Variants in ZNF492 observed in about 807,000 individuals in gnomAD.
ZNF492 encodes the protein zinc finger protein 115 (Y20).
In ZNF492, 3 loss-of-function variants were observed where a neutral mutation model predicts 6.4. The ratio of observed to expected loss-of-function variants is 0.47; its 90% CI spans 0.21 to 1.22. The LOEUF is 1.22. ZNF492 is among the 50% of genes most tolerant of loss of function. The probability of loss-of-function intolerance (pLI) is 0.22; values close to 1 mark genes in which losing one functional copy is unlikely to be tolerated. For missense variants in ZNF492, 356 were observed against 612.5 expected, an observed-to-expected ratio of 0.58 and a Z score of 4.42; for synonymous variants, 112 against 205.3, an observed-to-expected ratio of 0.55 and a Z score of 3.89.
rs144734880 is a variant in ZNF492 at position 22,635,279 on chromosome 19, A to G, written c.-94+805A>G. ...TGATTTTCCCTGGCATTTTTCACAT[A>G]GGTCCCAAGCAGGTTCTCAAGTCAA... On this transcript the variant is annotated intron_variant, in intron 1 of 3. Transcript: ENST00000456783. 1.4e-4 allele frequency among the ~76,000 whole-genome samples: 22 copies of G among 152,286 alleles called. No individual in the cohort carries two copies. In the East Asian group the frequency reaches 3.3e-3, roughly 23 times the overall value.
chr19:22,662,776 G>A (rs536031528), intron 3 of ZNF492, among the ~76,000 whole-genome samples: 3 of 151,006 alleles, frequency 2.0e-5, no homozygotes, highest in Non-Finnish European at 4.4e-5. Context: ...CTTTTTGATG[G>A]GGTTGTTAGT....
intron 1 of ZNF492, among the ~76,000 whole-genome samples, chr19:22,650,728 TGG>T (rs1971931267): frequency 1.3e-5 from 2 of 152,086 alleles, no homozygotes; most frequent in African/African-American, 2.4e-5. Flanking sequence ...TGTTAGGCTG[TGG>T]GGGACACCTC....
In ZNF492 at chr19:22,667,603, T is replaced by C. The variant is rs1042078041; in HGVS notation, c.*2338T>C. On this transcript the variant is annotated 3_prime_UTR_variant, in exon 4 of 4. Transcript: ENST00000456783. Reference sequence around the variant, plus strand: ...ATTGACTACAGGGTTATTTTTATAATAAAAATTATATACAAGTATAAAATT... The same window carrying C: ...ATTGACTACAGGGTTATTTTTATAACAAAAATTATATACAAGTATAAAATT... The C allele has an allele frequency of 1.3e-5, 2 of 151,970 alleles. No individual in the cohort carries two copies. The highest frequency in any genetic ancestry group is 2.9e-5 in the Non-Finnish European group (2 of 67,974). The allele number at this position is 151,970 out of a possible 1,614,324, so 9.4% of individuals were successfully genotyped here.
In ZNF492 at chr19:22,666,228, C is replaced by T. The variant is rs988115341; in HGVS notation, c.*963C>T. ...TTTAGATGGAGTCTTGCTCTATCGC[C>T]CCCCCAGGCTGGAGTACAGTGGCAC... On this transcript the variant is annotated 3_prime_UTR_variant, in exon 4 of 4. Transcript: ENST00000456783. 6 of 149,222 alleles carry T rather than the reference C, an allele frequency of 4.0e-5. No individual in the cohort carries two copies. The highest frequency in any genetic ancestry group is 8.9e-5 in the Non-Finnish European group (6 of 67,546). The allele number at this position is 149,222 out of a possible 1,614,324, so 9.2% of individuals were successfully genotyped here.
At chr19:22,651,728 A>G (rs2361245) in intron 1 of ZNF492, among the ~76,000 whole-genome samples, 29,126 of 151,918 alleles carry the variant, frequency 0.19, 3,671 homozygotes, top group African/African-American at 0.36. Context: ...GGGGTCCTTA[A>G]TAAAGATGGA....
Position 22,634,408 on chromosome 19 carries a change from C to A in ZNF492, c.-160C>A, listed in dbSNP as rs1172470266. Reference sequence around the variant, plus strand: ...GTCCTAGAGGCCCATCCTCTGTGGCCCTGTGACCTGCAGGTATTGGGAGAT... The same window carrying A: ...GTCCTAGAGGCCCATCCTCTGTGGCACTGTGACCTGCAGGTATTGGGAGAT... On this transcript the variant is annotated 5_prime_UTR_variant, in exon 1 of 4. Transcript: ENST00000456783. The A allele has an allele frequency of 7.5e-7, 1 of 1,339,178 alleles. No homozygotes were observed. The highest frequency in any genetic ancestry group is 1.1e-6 in the Non-Finnish European group (1 of 947,776). 83.0% of individuals were successfully genotyped at this position (1,339,178 alleles called of 1,614,324 possible).
intron 1 of ZNF492, among the ~76,000 whole-genome samples, chr19:22,647,302 G>A (rs929098881): frequency 4.2e-5 from 6 of 144,504 alleles, no homozygotes; most frequent in African/African-American, 1.6e-4. Flanking sequence ...TGTTGCCCAG[G>A]CTGGAGTGTA....
chr19:22,650,244 G>A (rs1173892566), intron 1 of ZNF492, among the ~76,000 whole-genome samples: 1 of 152,102 alleles, frequency 6.6e-6, no homozygotes, highest in East Asian at 1.9e-4. Context: ...TTCTGAACCT[G>A]GAGATATTAA....
intron 1 of ZNF492, among the ~76,000 whole-genome samples, chr19:22,647,633 T>TATC (rs1971895299): frequency 6.6e-6 from 1 of 151,448 alleles, no homozygotes; most frequent in Non-Finnish European, 1.5e-5. Context: ...TTTTCATGTC[T>TATC]ATCTCCTTCA....
chr19:22,646,805 G>C (rs1410249282), intron 1 of ZNF492, among the ~76,000 whole-genome samples: 1 of 151,056 alleles, frequency 6.6e-6, no homozygotes, highest in Non-Finnish European at 1.5e-5. Flanking sequence ...TTCTGTTTAT[G>C]TCATGAATTA....
chr19:22,643,956 G>T (rs896209686), intron 1 of ZNF492, among the ~76,000 whole-genome samples: 2 of 152,156 alleles, frequency 1.3e-5, no homozygotes, highest in African/African-American at 2.4e-5. Context: ...ATTGCTGGCA[G>T]GGGAGGGCAC....
chr19:22,644,673 G>T (rs1342981122), intron 1 of ZNF492, among the ~76,000 whole-genome samples: 2 of 152,094 alleles, frequency 1.3e-5, no homozygotes, highest in Non-Finnish European at 2.9e-5. Context: ...GTTGTAAATA[G>T]TGCTGCAGTA....
At chr19:22,640,530 GA>G (rs1971816109) in intron 1 of ZNF492, among the ~76,000 whole-genome samples, 1 of 152,148 alleles carries the variant, frequency 6.6e-6, no homozygotes, top group Admixed American at 6.5e-5. Flanking sequence ...TTAGGTTTTT[GA>G]TGTCCTGCTC....
Position 22,652,221 on chromosome 19 carries a change from CT to C in ZNF492, c.-93-1069del, listed in dbSNP as rs59051481. Among the ~76,000 whole-genome samples, 162 of 105,454 alleles carry C rather than the reference CT, an allele frequency of 1.5e-3. 9 individuals are homozygous for C. The highest frequency in any genetic ancestry group is 4.3e-3 in the Middle Eastern group (1 of 230). The allele number at this position is 105,454 out of a possible 152,430, so 69.2% of individuals were successfully genotyped here. A position where few individuals can be genotyped will look rare whatever the true frequency, so the allele number is the denominator to read the frequency against. ...AATCTGGCAGCTGACCTTTCTTAGGCTTTTTTTTTTTTTTTTTGAGACGGAG... is the reference window on the plus strand; with the variant it reads ...AATCTGGCAGCTGACCTTTCTTAGGCTTTTTTTTTTTTTTTTGAGACGGAG... On this transcript the variant is annotated intron_variant, in intron 1 of 3. Coordinates refer to ENST00000456783, the MANE Select transcript of ZNF492 (RefSeq NM_020855.3).
At chr19:22,636,767 G>A (rs1971770334) in intron 1 of ZNF492, among the ~76,000 whole-genome samples, 1 of 150,494 alleles carries the variant, frequency 6.6e-6, no homozygotes, top group South Asian at 2.1e-4. Flanking sequence ...CCAAGTAGCT[G>A]GGATTACAGG....
At chr19:22,645,706 A>G (rs1293749604) in intron 1 of ZNF492, among the ~76,000 whole-genome samples, 1 of 152,174 alleles carries the variant, frequency 6.6e-6, no homozygotes, top group African/African-American at 2.4e-5. Flanking sequence ...TATAAGGTGT[A>G]AGGAAGAGGT....
intron 3 of ZNF492, among the ~76,000 whole-genome samples, chr19:22,659,923 C>G (rs981328457): frequency 2.6e-5 from 4 of 152,114 alleles, no homozygotes; most frequent in African/African-American, 9.7e-5. Context: ...GCCTCAACCT[C>G]CCAAAGTGCT....
intron 1 of ZNF492, among the ~76,000 whole-genome samples, chr19:22,639,415 G>A (rs1157787894): frequency 6.6e-6 from 1 of 151,724 alleles, no homozygotes; most frequent in Non-Finnish European, 1.5e-5. Flanking sequence ...TTGTCAGTTT[G>A]AAAAGCTTTC....
chr19:22,640,454 G>A (rs533215749), intron 1 of ZNF492, among the ~76,000 whole-genome samples: 4 of 152,262 alleles, frequency 2.6e-5, no homozygotes, highest in South Asian at 4.1e-4. Context: ...GAGCCACCAC[G>A]CCCCACCTCA....
Sources: allele counts gnomAD v4.1 joint callset (sites outside exome capture counted in the v4.1 genomes callset), GRCh38; gene constraint gnomAD v4.1.1; transcripts MANE v1.5; gene names NCBI Gene and HGNC (gene_info 2026-07-23, HGNC 2026-07-21).